The following RBFOX1 variants were observed in gnomAD, a reference collection of about 807,000 sequenced individuals.
RBFOX1 encodes the protein RNA binding protein fox-1 homolog 1.
Under a neutral mutation model 57.7 loss-of-function variants are expected in RBFOX1, and 8 were observed. That is an observed-to-expected ratio of 0.14 (90% CI 0.08 to 0.25). The LOEUF (loss-of-function observed/expected upper bound fraction) is 0.25, where lower values mean the gene tolerates loss of function less well. Ranked by LOEUF, RBFOX1 falls within the 10% of genes least tolerant of loss-of-function variation. The probability of loss-of-function intolerance (pLI) is 1.00; values close to 1 mark genes in which losing one functional copy is unlikely to be tolerated. For missense variants in RBFOX1, 611 were observed against 548.5 expected (o/e 1.11, Z -1.14); for synonymous variants, 326 against 222.4 (o/e 1.47, Z -4.15).
At chr16:7,118,119 G>A (rs754577537) in intron 4 of RBFOX1, among the ~76,000 whole-genome samples, 4 of 152,104 alleles carry the variant, frequency 2.6e-5, no homozygotes, top group Admixed American at 1.3e-4. Flanking sequence ...TGGATCAAAT[G>A]GTAGATCTAT....
chr16:6,070,822 C>G (rs1472365070), intron 1 of RBFOX1, among the ~76,000 whole-genome samples: 1 of 151,744 alleles, frequency 6.6e-6, no homozygotes, highest in African/African-American at 2.4e-5. Flanking sequence ...CGCTCGCCCC[C>G]CCCACACACA....
At chr16:5,860,132 G>C (rs375291600) in intron 3 of RBFOX1, among the ~76,000 whole-genome samples, 1 of 152,172 alleles carries the variant, frequency 6.6e-6, no homozygotes, top group East Asian at 1.9e-4. Flanking sequence ...GCCCAGGCTG[G>C]AGTGCAATGG....
intron 2 of RBFOX1, chr16:5,467,346 TC>T (rs889545390): frequency 1.6e-6 from 2 of 1,259,514 alleles, no homozygotes; most frequent in Non-Finnish European, 2.2e-6. Flanking sequence ...CCCTGCAACT[TC>T]ACTGCCCAGG....
intron 4 of RBFOX1, among the ~76,000 whole-genome samples, chr16:7,433,337 C>G (rs1180974058): frequency 6.6e-6 from 1 of 152,228 alleles, no homozygotes; most frequent in African/African-American, 2.4e-5. Context: ...AGGCAGTAGT[C>G]TCTCTAAAGG....
intron 4 of RBFOX1, among the ~76,000 whole-genome samples, chr16:7,451,573 A>G (rs2098858572): frequency 6.6e-6 from 1 of 152,228 alleles, no homozygotes; most frequent in African/African-American, 2.4e-5. Flanking sequence ...TGGCTCTTAG[A>G]GACTGGCTTC....
intron 11 of RBFOX1, among the ~76,000 whole-genome samples, chr16:7,633,747 G>T (rs1199750932): frequency 3.3e-5 from 5 of 152,176 alleles, no homozygotes; most frequent in Non-Finnish European, 5.9e-5. Flanking sequence ...GGGGCCTTCA[G>T]TTATTTCTGT....
At chr16:7,215,758 TC>T (rs2152814253) in intron 4 of RBFOX1, among the ~76,000 whole-genome samples, 1 of 148,550 alleles carries the variant, frequency 6.7e-6, no homozygotes, top group South Asian at 2.1e-4. Flanking sequence ...GGAGTCTTGC[TC>T]TGTTGTCCAG....
At chr16:6,439,088 T>C (rs1008613438) in intron 2 of RBFOX1, among the ~76,000 whole-genome samples, 4 of 152,134 alleles carry the variant, frequency 2.6e-5, no homozygotes, top group Non-Finnish European at 4.4e-5. Flanking sequence ...GTAGGACAAC[T>C]CTGTTGTGAA....
At chr16:6,846,921 A>G (rs2093787112) in intron 3 of RBFOX1, among the ~76,000 whole-genome samples, 1 of 111,448 alleles carries the variant, frequency 9.0e-6, no homozygotes, top group East Asian at 2.3e-4. Context: ...CCTAGGAAAC[A>G]AAAAAAAAAA....
At chr16:7,109,830 A>C (rs778146054) in intron 4 of RBFOX1, among the ~76,000 whole-genome samples, 5 of 152,184 alleles carry the variant, frequency 3.3e-5, no homozygotes, top group Non-Finnish European at 4.4e-5. Flanking sequence ...ACAGCCTTGC[A>C]CTACGTGATG....
chr16:5,720,776 C>G (rs1425785334), intron 3 of RBFOX1, among the ~76,000 whole-genome samples: 2 of 152,168 alleles, frequency 1.3e-5, no homozygotes, highest in African/African-American at 4.8e-5. Context: ...CAGTTCTAGT[C>G]CATTAATCTG....
At chr16:6,112,777 T>C (rs1306484139) in intron 1 of RBFOX1, among the ~76,000 whole-genome samples, 2 of 152,188 alleles carry the variant, frequency 1.3e-5, no homozygotes, top group Non-Finnish European at 2.9e-5. Context: ...AGAAGGGACA[T>C]GTCTGAGTGA....
intron 1 of RBFOX1, among the ~76,000 whole-genome samples, chr16:5,320,422 T>A (rs949249059): frequency 5.9e-5 from 9 of 152,146 alleles, no homozygotes; most frequent in African/African-American, 2.2e-4. Flanking sequence ...TTGCTGGAGT[T>A]TACAAAAGCT....
intron 4 of RBFOX1, among the ~76,000 whole-genome samples, chr16:7,373,187 C>T (rs1172728056): frequency 6.6e-6 from 1 of 152,076 alleles, no homozygotes; most frequent in African/African-American, 2.4e-5. Context: ...CCTGCCTTGG[C>T]CTCCCAAAGT....
intron 1 of RBFOX1, among the ~76,000 whole-genome samples, chr16:5,341,265 T>A (rs535760523): frequency 1.3e-5 from 2 of 151,888 alleles, no homozygotes; most frequent in Non-Finnish European, 2.9e-5. Flanking sequence ...TGGAAGACCA[T>A]TGGAAAATTT....
At chr16:5,693,516 G>T (rs896573234) in intron 3 of RBFOX1, among the ~76,000 whole-genome samples, 3 of 151,666 alleles carry the variant, frequency 2.0e-5, no homozygotes, top group African/African-American at 7.3e-5. Flanking sequence ...GAACAAAAAA[G>T]GTTAAAAAAC....
intron 4 of RBFOX1, among the ~76,000 whole-genome samples, chr16:7,391,175 C>G (rs1425682899): frequency 6.6e-6 from 1 of 152,088 alleles, no homozygotes; most frequent in Non-Finnish European, 1.5e-5. Flanking sequence ...ACACTGCCCC[C>G]TGCACGTGAC....
chr16:6,005,788 T>C (rs2060683211), intron 4 of RBFOX1, among the ~76,000 whole-genome samples: 1 of 151,700 alleles, frequency 6.6e-6, no homozygotes, highest in African/African-American at 2.4e-5. Flanking sequence ...CCAGGAGGAG[T>C]TGGGTGGATT....
intron 1 of RBFOX1, among the ~76,000 whole-genome samples, chr16:6,180,031 T>G (rs749904309): frequency 6.6e-6 from 1 of 152,218 alleles, no homozygotes; most frequent in Non-Finnish European, 1.5e-5. Flanking sequence ...GTGGCTGCAT[T>G]TGGTTTGCCA....
Sources: allele counts gnomAD v4.1 joint callset (sites outside exome capture counted in the v4.1 genomes callset), GRCh38; gene constraint gnomAD v4.1.1; transcripts MANE v1.5; gene names NCBI Gene and HGNC (gene_info 2026-07-23, HGNC 2026-07-21).